Variants in ASPA observed in about 807,000 individuals in gnomAD.
The protein encoded by ASPA is ACY-2.
ASPA carries 25 observed loss-of-function variants against 29.6 expected under a neutral mutation model. The ratio of observed to expected loss-of-function variants is 0.85; its 90% CI spans 0.62 to 1.18. The LOEUF (loss-of-function observed/expected upper bound fraction) is 1.18, where lower values mean the gene tolerates loss of function less well. ASPA is among the 50% of genes most tolerant of loss of function. ASPA has a pLI of 0.00. For missense variants in ASPA, 333 were observed against 385.7 expected (o/e 0.86, Z 1.14); for synonymous variants, 131 against 130.3 (o/e 1.01, Z -0.04).
intron 3 of ASPA, among the ~76,000 whole-genome samples, chr17:3,487,021 T>A (rs1390405567): frequency 6.6e-6 from 1 of 151,960 alleles, no homozygotes; most frequent in African/African-American, 2.4e-5. Context: ...GAGGGCTGTG[T>A]CCAGTCGCTT....
intron 5 of ASPA, among the ~76,000 whole-genome samples, chr17:3,496,926 C>T (rs1465517725): frequency 3.9e-5 from 6 of 152,030 alleles, no homozygotes; most frequent in Non-Finnish European, 4.4e-5. Flanking sequence ...ATTAGCCGGG[C>T]ATGGTGGCAG....
chr17:3,485,902 T>A lies in ASPA; in HGVS notation c.526+2310T>A, dbSNP rs2150750579. 1.3e-5 allele frequency among the ~76,000 whole-genome samples: 2 copies of A among 151,374 alleles called. No individual in the cohort carries two copies. Among genetic ancestry groups the A allele is most frequent in the East Asian group, 3.9e-4 (2 of 5,134 alleles). ...CATAGAGAGAGCCAGATGGCAGCTATCCATGCCAGTGGTTGCATTCTAGGA... is the reference window on the plus strand; with the variant it reads ...CATAGAGAGAGCCAGATGGCAGCTAACCATGCCAGTGGTTGCATTCTAGGA... On this transcript the variant is annotated intron_variant, in intron 3 of 5. Coordinates refer to ENST00000263080, the MANE Select transcript of ASPA (RefSeq NM_000049.4). The surrounding 1 kb of genome is among the most constrained non-coding windows in gnomAD (Gnocchi z 4.4).
In ASPA at chr17:3,500,278, A is replaced by G. The variant is rs2073974195; in HGVS notation, c.*1190A>G. On this transcript the variant is annotated 3_prime_UTR_variant, in exon 6 of 6. Coordinates refer to ENST00000263080, the MANE Select transcript of ASPA (RefSeq NM_000049.4). ...AAGTTATCCAGAAGATGTAGCTAAA[A>G]TCATTGACAAAGATGGCTACACTAA... The G allele has an allele frequency of 6.6e-6, 1 of 152,284 alleles. No homozygotes were observed. Among genetic ancestry groups the G allele is most frequent in the Non-Finnish European group, 1.5e-5 (1 of 68,066 alleles). The allele number at this position is 152,284 out of a possible 1,614,324, so 9.4% of individuals were successfully genotyped here. A position where few individuals can be genotyped will look rare whatever the true frequency, so the allele number is the denominator to read the frequency against.
rs756669857 is a variant in ASPA, at chr17:3,489,345, A to T, written c.634+3A>T. The T allele has an allele frequency of 2.5e-6, 4 of 1,585,388 alleles. No individual in the cohort carries two copies. The highest frequency in any genetic ancestry group is 1.1e-5 in the South Asian group (1 of 90,440). ...TTTTATACATCATTTCAATGAAGGT[A>T]AGTAATAATGAAGGTAACGTTATCA... On this transcript the variant is annotated splice_donor_region_variant and intron_variant, in intron 4 of 5. Coordinates refer to ENST00000263080, the MANE Select transcript of ASPA (RefSeq NM_000049.4).
chr17:3,497,435 T>C (rs1448905191), intron 5 of ASPA, among the ~76,000 whole-genome samples: 1 of 152,206 alleles, frequency 6.6e-6, no homozygotes, highest in Non-Finnish European at 1.5e-5. Context: ...CCTGATGGCA[T>C]GGTTGCGGGT....
At chr17:3,474,619 G>T (rs556007215), upstream of ASPA, among the ~76,000 whole-genome samples, 1 of 152,152 alleles carries the variant, frequency 6.6e-6, no homozygotes, top group Non-Finnish European at 1.5e-5. Flanking sequence ...TTAATGCATA[G>T]ATTTGATGTG....
At chr17:3,486,872 G>C (rs1388011110) in intron 3 of ASPA, among the ~76,000 whole-genome samples, 4 of 152,160 alleles carry the variant, frequency 2.6e-5, no homozygotes, top group African/African-American at 9.7e-5. Flanking sequence ...TTCGATACAA[G>C]ATCTCATATC....
rs544964870 is a variant in ASPA, at chr17:3,489,400, T to C, written c.634+58T>C. 4.1e-5 allele frequency: 57 copies of C among 1,393,970 alleles called. No individual in the cohort carries two copies. In the African/African-American group the frequency reaches 6.4e-4, roughly 16 times the overall value. 86.4% of individuals were successfully genotyped at this position (1,393,970 alleles called of 1,614,324 possible). A position where few individuals can be genotyped will look rare whatever the true frequency, so the allele number is the denominator to read the frequency against. On this transcript the variant is annotated intron_variant, in intron 4 of 5. Transcript: ENST00000263080. ...TAACCACCAAACATTTAAATAACAA[T>C]TGGAACCTGGGTCAGATTTGCCATG...
chr17:3,493,041 T>A (rs2073850352), intron 4 of ASPA, among the ~76,000 whole-genome samples: 1 of 152,174 alleles, frequency 6.6e-6, no homozygotes, highest in Non-Finnish European at 1.5e-5. Context: ...AAAGGAAGGC[T>A]TTCCTTTGAG....
At chr17:3,480,984 G>T (rs1442549288) in intron 1 of ASPA, among the ~76,000 whole-genome samples, 3 of 152,068 alleles carry the variant, frequency 2.0e-5, no homozygotes, top group Admixed American at 6.6e-5. Flanking sequence ...GCTGGGCATG[G>T]TGGCACGCAC....
At chr17:3,475,207 A>G (rs976396890), upstream of ASPA, among the ~76,000 whole-genome samples, 2 of 152,164 alleles carry the variant, frequency 1.3e-5, no homozygotes, top group South Asian at 2.1e-4. Flanking sequence ...CTCCAAAGGG[A>G]TGTAATCATC....
rs1482811255 is a variant in ASPA at position 3,502,061 on chromosome 17, C to T, written c.*2973C>T. On this transcript the variant is annotated 3_prime_UTR_variant, in exon 6 of 6. Coordinates refer to ENST00000263080, the MANE Select transcript of ASPA (RefSeq NM_000049.4). Reference sequence around the variant, plus strand: ...CGAAAGGAAGAGTCAATCAATGCAGCGAACTTGTTGTTTTATTTTAAGAAA... The same window carrying T: ...CGAAAGGAAGAGTCAATCAATGCAGTGAACTTGTTGTTTTATTTTAAGAAA... 3 of 152,162 alleles carry T rather than the reference C, an allele frequency of 2.0e-5. No individual in the cohort carries two copies. The highest frequency in any genetic ancestry group is 4.4e-5 in the Non-Finnish European group (3 of 68,046). 9.4% of individuals were successfully genotyped at this position (152,162 alleles called of 1,614,324 possible). A position where few individuals can be genotyped will look rare whatever the true frequency, so the allele number is the denominator to read the frequency against.
chr17:3,502,525 G>A lies in ASPA; in HGVS notation c.*3437G>A, dbSNP rs2150767348. 1 of 152,332 alleles carries A rather than the reference G, an allele frequency of 6.6e-6. No homozygotes were observed. The highest frequency in any genetic ancestry group is 2.4e-5 in the African/African-American group (1 of 41,574). The allele number at this position is 152,332 out of a possible 1,614,324, so 9.4% of individuals were successfully genotyped here. On this transcript the variant is annotated 3_prime_UTR_variant, in exon 6 of 6. Coordinates refer to ENST00000263080, the MANE Select transcript of ASPA (RefSeq NM_000049.4). The stretch of plus-strand genomic sequence containing the variant: ...CAGTCTATAAACTTCAGCATTCGTT[G>A]CGAAATCCAGAGGAGACTTTTAAGT...
chr17:3,490,928 G>A lies in ASPA; in HGVS notation c.634+1586G>A, dbSNP rs531619139. Among the ~76,000 whole-genome samples, 45 of 152,150 alleles carry A rather than the reference G, an allele frequency of 3.0e-4. No homozygotes were observed. The highest frequency in any genetic ancestry group is 3.4e-3 in the Middle Eastern group (1 of 294). The stretch of plus-strand genomic sequence containing the variant: ...AACATTTCATTTAAGCAAAGGATTC[G>A]GCAAATCAAAAATTGTCAACCACGA... On this transcript the variant is annotated intron_variant, in intron 4 of 5. Transcript: ENST00000263080. The surrounding 1 kb of genome is among the most constrained non-coding windows in gnomAD (Gnocchi z 4.6).
At chr17:3,479,785 G>C (rs1342859015) in intron 1 of ASPA, among the ~76,000 whole-genome samples, 1 of 152,142 alleles carries the variant, frequency 6.6e-6, no homozygotes, top group Non-Finnish European at 1.5e-5. Context: ...ATTGTACACA[G>C]TAGGTCCCTT....
At position 3,485,362 on chromosome 17, in the gene ASPA, C is replaced by T. The variant is rs1299106353; in HGVS notation, c.526+1770C>T. On this transcript the variant is annotated intron_variant, in intron 3 of 5. Transcript: ENST00000263080. The surrounding 1 kb of genome is among the most constrained non-coding windows in gnomAD (Gnocchi z 4.4). Reference sequence around the variant, plus strand: ...CCCACACAGACTTATACAAACTTATCCATTCCTTCCCATGCAGGTTCTATA... The same window carrying T: ...CCCACACAGACTTATACAAACTTATTCATTCCTTCCCATGCAGGTTCTATA... Among the ~76,000 whole-genome samples the T allele has an allele frequency of 1.3e-5, 2 of 152,050 alleles. No homozygotes were observed. The highest frequency in any genetic ancestry group is 4.2e-4 in the South Asian group (2 of 4,814).
At chr17:3,475,490 G>C (rs1451859573), upstream of ASPA, 1 of 152,288 alleles carries the variant, frequency 6.6e-6, no homozygotes, top group Non-Finnish European at 1.5e-5. Flanking sequence ...GAAATGAAGG[G>C]ATGTTTCAGG....
chr17:3,490,702 A>G lies in ASPA; in HGVS notation c.634+1360A>G, dbSNP rs996638951. On this transcript the variant is annotated intron_variant, in intron 4 of 5. Coordinates refer to ENST00000263080, the MANE Select transcript of ASPA (RefSeq NM_000049.4). The surrounding 1 kb of genome is among the most constrained non-coding windows in gnomAD (Gnocchi z 4.6). ...GAAGATCACAACATACTTACAATAA[A>G]CCCTCTGAATAGGAAGTGTGGGACT... 4.6e-5 allele frequency among the ~76,000 whole-genome samples: 7 copies of G among 152,154 alleles called. No individual in the cohort carries two copies. The highest frequency in any genetic ancestry group is 1.7e-4 in the African/African-American group (7 of 41,422).
Position 3,499,309 on chromosome 17 carries a change from A to C in ASPA, c.*221A>C. ...ATTCAAAGAAGTGTTTCCTATTTCT[A>C]TATAGTTTATTATACATGATACTTG... On this transcript the variant is annotated 3_prime_UTR_variant, in exon 6 of 6. Coordinates refer to ENST00000263080, the MANE Select transcript of ASPA (RefSeq NM_000049.4). 2.3e-6 allele frequency: 1 copy of C among 442,084 alleles called. No homozygotes were observed. Among genetic ancestry groups the C allele is most frequent in the East Asian group, 3.7e-5 (1 of 26,900 alleles). 27.4% of individuals were successfully genotyped at this position (442,084 alleles called of 1,614,324 possible). A position where few individuals can be genotyped will look rare whatever the true frequency, so the allele number is the denominator to read the frequency against.
Sources: allele counts gnomAD v4.1 joint callset (sites outside exome capture counted in the v4.1 genomes callset), GRCh38; gene constraint gnomAD v4.1.1; non-coding constraint Gnocchi (gnomAD v3.1); transcripts MANE v1.5; gene names NCBI Gene and HGNC (gene_info 2026-07-23, HGNC 2026-07-21).